CFH: variants seen among roughly 807,000 people sequenced by gnomAD.
CFH encodes the protein H factor 1 (complement).
CFH carries 53 observed loss-of-function variants against 147.3 expected under a neutral mutation model. The ratio of observed to expected loss-of-function variants is 0.36; its 90% CI spans 0.29 to 0.45. The LOEUF is 0.45. Among genes scored for constraint, CFH ranks in the 20% least tolerant of loss-of-function variants. The pLI is 1.00. For synonymous variants in CFH, 536 were observed against 489.4 expected, an observed-to-expected ratio of 1.10 and a Z score of -1.26; for missense variants, 1,380 against 1,498.0, an observed-to-expected ratio of 0.92 and a Z score of 1.30.
intron 9 of CFH, among the ~76,000 whole-genome samples, chr1:196,693,095 G>A (rs1018257200): frequency 3.3e-5 from 5 of 151,772 alleles, no homozygotes; most frequent in African/African-American, 1.2e-4. Context: ...AGATATCAAC[G>A]TTATATTTTC....
chr1:196,740,963 A>G (rs1372343837), intron 18 of CFH, 171 bp downstream of exon 18: 1 of 669,574 alleles, frequency 1.5e-6, no homozygotes, highest in Admixed American at 2.5e-5. Flanking sequence ...TGACATTATA[A>G]GCCAAATTAG....
rs1373310507 is a variant in CFH at position 196,682,870 on chromosome 1, T to G, written c.791-2194T>G. Among the ~76,000 whole-genome samples, 11 of 151,638 alleles carry G rather than the reference T, an allele frequency of 7.3e-5. No homozygotes were observed. In the Admixed American group the frequency reaches 7.3e-4, roughly 10 times the overall value. On this transcript the variant is annotated intron_variant, in intron 6 of 21. Coordinates refer to ENST00000367429, the MANE Select transcript of CFH (RefSeq NM_000186.4). Reference sequence around the variant, plus strand: ...TTATCCTGTTAGCTATAGAGATATATTAAAGCTTATTCTGTCAGAACGAAG... The same window carrying G: ...TTATCCTGTTAGCTATAGAGATATAGTAAAGCTTATTCTGTCAGAACGAAG...
chr1:196,731,890 A>G (rs535261053), intron 15 of CFH, among the ~76,000 whole-genome samples: 68 of 151,972 alleles, frequency 4.5e-4, no homozygotes, highest in African/African-American at 1.6e-3. Flanking sequence ...TTATGTAACC[A>G]TTCACTTTTC....
intron 9 of CFH, among the ~76,000 whole-genome samples, chr1:196,707,038 C>T (rs1306102206): frequency 6.6e-6 from 1 of 152,096 alleles, no homozygotes; most frequent in Non-Finnish European, 1.5e-5. Context: ...TCCAGTGTGA[C>T]CATAGTGCAA....
intron 15 of CFH, among the ~76,000 whole-genome samples, chr1:196,734,165 G>A (rs994054088): frequency 1.3e-5 from 2 of 152,122 alleles, no homozygotes; most frequent in African/African-American, 4.8e-5. Flanking sequence ...GTGGTGCAGT[G>A]AACAAGGCTG....
intron 1 of CFH, among the ~76,000 whole-genome samples, chr1:196,661,371 G>A (rs1666897594): frequency 6.6e-6 from 1 of 151,984 alleles, no homozygotes; most frequent in African/African-American, 2.4e-5. Flanking sequence ...TTTTCTTTGG[G>A]CTGCTACAAC....
At chr1:196,701,124 T>C (rs1668436526) in intron 9 of CFH, among the ~76,000 whole-genome samples, 1 of 152,202 alleles carries the variant, frequency 6.6e-6, no homozygotes, top group Non-Finnish European at 1.5e-5. Flanking sequence ...AAAGGTCTTT[T>C]GTTTGTCTTT....
rs1173988766 is a variant in CFH at position 196,747,346 on chromosome 1, A to G, written c.*33A>G. 2.5e-6 allele frequency: 4 copies of G among 1,613,322 alleles called. No homozygotes were observed. In the Admixed American group the frequency reaches 6.7e-5, roughly 27 times the overall value. ...CATAAAGTGCACACCTTTATTCAGA[A>G]CTTTAGTATTAAATCAGTTCTCAAT... On this transcript the variant is annotated 3_prime_UTR_variant, in exon 22 of 22. Coordinates refer to ENST00000367429, the MANE Select transcript of CFH (RefSeq NM_000186.4).
chr1:196,716,940 C>A (rs1012546913), intron 11 of CFH, among the ~76,000 whole-genome samples: 1 of 151,878 alleles, frequency 6.6e-6, no homozygotes, highest in Non-Finnish European at 1.5e-5. Flanking sequence ...TTCGGAATAT[C>A]ATCATATAAA....
chr1:196,662,935 T>A (rs1666958343), intron 1 of CFH, among the ~76,000 whole-genome samples: 1 of 152,120 alleles, frequency 6.6e-6, no homozygotes, highest in Non-Finnish European at 1.5e-5. Context: ...ATTATTTCTG[T>A]ATATAGAATT....
intron 1 of CFH, among the ~76,000 whole-genome samples, chr1:196,659,610 T>C (rs1666836327): frequency 6.6e-6 from 1 of 152,184 alleles, no homozygotes; most frequent in Admixed American, 6.5e-5. Flanking sequence ...AAGAGGTAGT[T>C]AATGCTGAAA....
intron 15 of CFH, among the ~76,000 whole-genome samples, chr1:196,731,776 T>C (rs930856817): frequency 3.9e-5 from 6 of 151,982 alleles, no homozygotes; most frequent in Admixed American, 3.3e-4. Context: ...AATTATTCCT[T>C]GGCAGTTGTT....
chr1:196,657,447 T>C (rs1244469879), intron 1 of CFH, among the ~76,000 whole-genome samples: 1 of 152,116 alleles, frequency 6.6e-6, no homozygotes, highest in Non-Finnish European at 1.5e-5. Flanking sequence ...AAAAATACAG[T>C]ATTGGTGGGT....
chr1:196,670,621 TC>T (rs1222159351), intron 1 of CFH, among the ~76,000 whole-genome samples: 1 of 152,134 alleles, frequency 6.6e-6, no homozygotes, highest in Non-Finnish European at 1.5e-5. Context: ...TCCTGAGGCC[TC>T]CCCAACCATG....
At chr1:196,745,550 T>C (rs1652970900) in intron 20 of CFH, among the ~76,000 whole-genome samples, 1 of 152,230 alleles carries the variant, frequency 6.6e-6, no homozygotes, top group Non-Finnish European at 1.5e-5. Context: ...TAGCATGTAT[T>C]CATTCGGAAA....
At chr1:196,671,987 G>C (rs1185061639) in intron 1 of CFH, among the ~76,000 whole-genome samples, 2 of 151,520 alleles carry the variant, frequency 1.3e-5, no homozygotes, top group African/African-American at 4.8e-5. Flanking sequence ...TTCAAATATG[G>C]CATGTTTTGA....
chr1:196,724,576 G>C (rs180696577), intron 11 of CFH, among the ~76,000 whole-genome samples: 328 of 152,152 alleles, frequency 2.2e-3, no homozygotes, highest in Non-Finnish European at 3.8e-3. Flanking sequence ...CCTTTGTCAG[G>C]CTCTTGCTTC....
intron 12 of CFH, 45 bp downstream of exon 12, chr1:196,725,342 G>C: frequency 1.3e-6 from 2 of 1,578,092 alleles, no homozygotes; most frequent in Non-Finnish European, 1.7e-6. Context: ...TTAGAACTTT[G>C]AATACCAACT....
chr1:196,702,552 A>T (rs1305773051), intron 9 of CFH, among the ~76,000 whole-genome samples: 2 of 151,758 alleles, frequency 1.3e-5, no homozygotes, highest in Admixed American at 6.6e-5. Context: ...TCCAAAGCAT[A>T]TGAAGAATCT....
Sources: allele counts gnomAD v4.1 joint callset (sites outside exome capture counted in the v4.1 genomes callset), GRCh38; gene constraint gnomAD v4.1.1; transcripts MANE v1.5; gene names NCBI Gene and HGNC (gene_info 2026-07-23, HGNC 2026-07-21).